The following PKD1L1 variants were observed in gnomAD, a reference collection of about 807,000 sequenced individuals.
The protein encoded by PKD1L1 is polycystin 1 like 1, transient receptor potential channel interacting, also known as polycystin-1-like protein 1.
In PKD1L1, 236 loss-of-function variants were observed where a neutral mutation model predicts 323.4. The observed-to-expected ratio is 0.73, with a 90% confidence interval of 0.66 to 0.81. The LOEUF (loss-of-function observed/expected upper bound fraction) is 0.81, where lower values mean the gene tolerates loss of function less well. Ranked by LOEUF, PKD1L1 falls within the 40% of genes least tolerant of loss-of-function variation. The pLI is 0.00. For missense variants in PKD1L1, 3,320 were observed against 3,508.0 expected, an observed-to-expected ratio of 0.95 and a Z score of 1.35; for synonymous variants, 1,344 against 1,335.0, an observed-to-expected ratio of 1.01 and a Z score of -0.15.
At position 47,905,233 on chromosome 7, in the gene PKD1L1, C is replaced by A; in HGVS notation, c.1615G>T (p.Glu539Ter). The stretch of plus-strand genomic sequence containing the variant: ...GGTGGATCCTCTCCAAAATACCACT[C>A]AAATTCCAGGGGTATTGTTTCCTTG... ...VTKETIPLEF[E>*]WYFGEDPPVR... Residue 539 changes from glutamate (E) to a stop codon, truncating the protein, a stop_gained, in exon 11 of 57, where the codon GAG becomes TAG. Transcript: ENST00000289672. LOFTEE classifies it high-confidence loss of function. The A allele has an allele frequency of 6.2e-7, 1 of 1,614,138 alleles. No homozygotes were observed. Among genetic ancestry groups the A allele is most frequent in the South Asian group, 1.1e-5 (1 of 91,080 alleles).
chr7:47,811,933 C>G lies in PKD1L1; in HGVS notation c.7465G>C (p.Val2489Leu), dbSNP rs201532761. 10 of 1,607,104 alleles carry G rather than the reference C, an allele frequency of 6.2e-6. No homozygotes were observed. Among genetic ancestry groups the G allele is most frequent in the Non-Finnish European group, 8.5e-6 (10 of 1,177,006 alleles). The change falls in exon 50 of 57, where the codon GTG becomes CTG. Residue 2489 changes from valine to leucine, a missense_variant. By Grantham distance (32) the Val-to-Leu change is conservative. Transcript: ENST00000289672. ...GGGAGGATCTCCACTCTCAGGGACA[C>G]GCTGGTGAAGAGTTGGGTTGGAGGG... ...YNPPTQLFTS[V>L]SLRVEILPTG...
At chr7:47,947,306 A>G (rs1788116638) in intron 1 of PKD1L1, among the ~76,000 whole-genome samples, 2 of 152,220 alleles carry the variant, frequency 1.3e-5, no homozygotes, top group Admixed American at 6.5e-5. Flanking sequence ...TTCATCAAGG[A>G]TACTGATTTT....
intron 4 of PKD1L1, 149 bp from the exon 5 acceptor site, chr7:47,932,205 C>A (rs528002658): frequency 7.8e-7 from 1 of 1,289,250 alleles, no homozygotes. Flanking sequence ...GGGAGTCAGG[C>A]CCAGGCTGAC....
At chr7:47,819,663 C>G (rs1186168383) in intron 46 of PKD1L1, 1 of 1,027,286 alleles carries the variant, frequency 9.7e-7, no homozygotes, top group Non-Finnish European at 1.3e-6. Flanking sequence ...AACAAAACAA[C>G]TTGGATTACT....
chr7:47,890,455 T>C, intron 16 of PKD1L1, 87 bp downstream of exon 16: 1 of 1,342,540 alleles, frequency 7.4e-7, no homozygotes, highest in East Asian at 2.3e-5. Flanking sequence ...CTGCTTGCTG[T>C]GCACAGCAGA....
At chr7:47,953,644 G>A in the PKD1L1 span, among the ~76,000 whole-genome samples, 15 of 152,336 alleles carry the variant, frequency 9.8e-5, no homozygotes, top group African/African-American at 3.6e-4. Context: ...ATCACACTGG[G>A]CATTTCTTTC....
At chr7:47,869,981 A>G (rs1478490588) in intron 24 of PKD1L1, among the ~76,000 whole-genome samples, 2 of 152,166 alleles carry the variant, frequency 1.3e-5, no homozygotes, top group Non-Finnish European at 2.9e-5. Context: ...ACATACTCCT[A>G]AATATTATAA....
intron 4 of PKD1L1, among the ~76,000 whole-genome samples, chr7:47,935,390 G>A (rs1312584210): frequency 1.6e-4 from 24 of 152,048 alleles, no homozygotes; most frequent in Admixed American, 1.2e-3. Context: ...TCAGATTTCC[G>A]GGGGACAGAC....
intron 8 of PKD1L1, among the ~76,000 whole-genome samples, chr7:47,914,541 G>C (rs1302997406): frequency 6.6e-6 from 1 of 152,184 alleles, no homozygotes. Flanking sequence ...GGGCCACCTG[G>C]GTTGTTCAAG....
intron 31 of PKD1L1, among the ~76,000 whole-genome samples, chr7:47,851,797 A>C (rs1004914920): frequency 6.6e-6 from 1 of 152,226 alleles, no homozygotes; most frequent in Admixed American, 6.5e-5. Flanking sequence ...TACAACATGC[A>C]GAAAATAACT....
chr7:47,794,109 A>AAT (rs1787017528), intron 55 of PKD1L1, among the ~76,000 whole-genome samples: 1 of 152,214 alleles, frequency 6.6e-6, no homozygotes, highest in Non-Finnish European at 1.5e-5. Flanking sequence ...CAGCCTGACA[A>AAT]TGCAGTGGAA....
intron 45 of PKD1L1, among the ~76,000 whole-genome samples, chr7:47,826,858 C>T (rs1785248166): frequency 1.3e-5 from 2 of 152,208 alleles, no homozygotes; most frequent in South Asian, 4.1e-4. Context: ...CACAGCTGTG[C>T]ATATCTGAAT....
At chr7:47,938,006 T>G (rs576541299) in intron 3 of PKD1L1, among the ~76,000 whole-genome samples, 1 of 152,182 alleles carries the variant, frequency 6.6e-6, no homozygotes, top group East Asian at 1.9e-4. Flanking sequence ...CCTTGTTTCC[T>G]ACACAGGACG....
intron 7 of PKD1L1, among the ~76,000 whole-genome samples, chr7:47,919,035 GA>G (rs1225979284): frequency 1.3e-5 from 2 of 151,926 alleles, no homozygotes; most frequent in African/African-American, 4.8e-5. Flanking sequence ...AGAACTAAAT[GA>G]AATTGAAACA....
At position 47,840,586 on chromosome 7, in the gene PKD1L1, G is replaced by T; in HGVS notation, c.5446-19C>A. 1 of 1,583,286 alleles carries T rather than the reference G, an allele frequency of 6.3e-7. No individual in the cohort carries two copies. The highest frequency in any genetic ancestry group is 1.1e-5 in the South Asian group (1 of 90,410). On this transcript the variant is annotated intron_variant, in intron 34 of 56. Transcript: ENST00000289672. The surrounding 1 kb of genome is among the most constrained non-coding windows in gnomAD (Gnocchi z 4.1). ...TGTACACCTCAAAACAAAGAACAGG[G>T]GTGGGAACTCAGGCTATTTCACAGC...
At chr7:47,954,543 G>A in the PKD1L1 span, among the ~76,000 whole-genome samples, 4 of 152,224 alleles carry the variant, frequency 2.6e-5, no homozygotes, top group Admixed American at 1.3e-4. Context: ...ATACAGCAAG[G>A]AGGCCTTCAC....
chr7:47,905,376 A>C, intron 10 of PKD1L1, 51 bp from the exon 11 acceptor site: 2 of 1,569,356 alleles, frequency 1.3e-6, no homozygotes, highest in East Asian at 4.5e-5. Flanking sequence ...GAGGGCTGGA[A>C]TCTCCAGAGA....
intron 24 of PKD1L1, among the ~76,000 whole-genome samples, chr7:47,871,295 T>C (rs1311638599): frequency 6.6e-6 from 1 of 152,184 alleles, no homozygotes; most frequent in Non-Finnish European, 1.5e-5. Context: ...CTGGGTAATA[T>C]ATAAAGAACA....
At chr7:47,800,306 G>T (rs1461284615) in intron 54 of PKD1L1, among the ~76,000 whole-genome samples, 7 of 152,204 alleles carry the variant, frequency 4.6e-5, no homozygotes, top group Non-Finnish European at 8.8e-5. Context: ...ACTGAGAAAA[G>T]GCAACAGATA....
Sources: allele counts gnomAD v4.1 joint callset (sites outside exome capture counted in the v4.1 genomes callset), GRCh38; gene constraint gnomAD v4.1.1; non-coding constraint Gnocchi (gnomAD v3.1); transcripts MANE v1.5; gene names NCBI Gene and HGNC (gene_info 2026-07-23, HGNC 2026-07-21).